STK39: variants seen among roughly 807,000 people sequenced by gnomAD.
STK39 encodes the protein serine/threonine kinase 39.
STK39 carries 20 observed loss-of-function variants against 77.8 expected under a neutral mutation model. The observed-to-expected ratio is 0.26, with a 90% CI of 0.18 to 0.37. The LOEUF (loss-of-function observed/expected upper bound fraction) is 0.37. Ranked by LOEUF, STK39 falls within the 10% of genes least tolerant of loss-of-function variation. STK39 has a pLI of 1.00. For missense variants in STK39, 479 were observed against 656.5 expected (o/e 0.73, Z 2.95); for synonymous variants, 246 against 234.1 (o/e 1.05, Z -0.47).
intron 10 of STK39, among the ~76,000 whole-genome samples, chr2:168,094,190 C>T (rs11689980): frequency 0.31 from 46,924 of 152,104 alleles, 7,484 homozygotes; most frequent in Non-Finnish European, 0.33. Flanking sequence ...GACCACTACC[C>T]TCCCAGTCAT....
At chr2:168,183,665 A>C (rs974887997) in intron 1 of STK39, among the ~76,000 whole-genome samples, 2 of 152,146 alleles carry the variant, frequency 1.3e-5, no homozygotes, top group Non-Finnish European at 2.9e-5. Context: ...CATTTGCTAG[A>C]GCTGTTTGGG....
At chr2:168,136,346 T>G (rs182039870) in intron 8 of STK39, among the ~76,000 whole-genome samples, 51 of 141,178 alleles carry the variant, frequency 3.6e-4, no homozygotes, top group Admixed American at 1.4e-3. Context: ...TCTAGCCCAG[T>G]GACAGAGCAA....
chr2:168,020,585 C>T (rs968869477), intron 14 of STK39, among the ~76,000 whole-genome samples: 1 of 151,248 alleles, frequency 6.6e-6, no homozygotes, highest in African/African-American at 2.4e-5. Flanking sequence ...TATACACATA[C>T]ATACATATGC....
rs1178169723 is a variant in STK39, at chr2:167,955,399, G to A, written c.*97C>T. On this transcript the variant is annotated 3_prime_UTR_variant, in exon 18 of 18. Transcript: ENST00000355999. ...TCTGATTTTGCTAGGAAATGGGAGT[G>A]AGGGGGTGGGAGGAAATGGGCAGAA... is the stretch of plus-strand genomic sequence containing the variant. 3.4e-6 allele frequency: 4 copies of A among 1,172,400 alleles called. No homozygotes were observed. The highest frequency in any genetic ancestry group is 4.9e-6 in the Non-Finnish European group (4 of 815,550). 72.6% of individuals were successfully genotyped at this position (1,172,400 alleles called of 1,614,324 possible).
At chr2:168,112,367 G>T (rs951287258) in intron 10 of STK39, among the ~76,000 whole-genome samples, 17 of 152,078 alleles carry the variant, frequency 1.1e-4, no homozygotes, top group African/African-American at 4.1e-4. Context: ...TCAGCGGAGG[G>T]GGCTGGTTGG....
intron 14 of STK39, among the ~76,000 whole-genome samples, chr2:168,032,219 A>G (rs1021349488): frequency 6.6e-6 from 1 of 152,228 alleles, no homozygotes; most frequent in African/African-American, 2.4e-5. Context: ...CAAACGCTCA[A>G]AACATTTTCC....
chr2:168,187,333 A>AC (rs1455564783), intron 1 of STK39, among the ~76,000 whole-genome samples: 3 of 145,968 alleles, frequency 2.1e-5, no homozygotes, highest in East Asian at 4.1e-4. Flanking sequence ...CCTGGGTGAC[A>AC]GAGTGAGACT....
rs552524192 is a variant in STK39 at position 168,014,304 on chromosome 2, G to C, written c.1430-1602C>G. On this transcript the variant is annotated intron_variant, in intron 15 of 17. Coordinates refer to ENST00000355999, the MANE Select transcript of STK39 (RefSeq NM_013233.3). ...GTTACAGACCAGTCTGGGCAACATA[G>C]GGAGACGCCATCTCTACAAAGCGTA... Among the ~76,000 whole-genome samples the C allele has an allele frequency of 7.9e-5, 12 of 152,114 alleles. No homozygotes were observed. The South Asian group carries it at 2.5e-3, about 32-fold the overall frequency.
At chr2:168,026,377 A>G (rs574667864) in intron 14 of STK39, among the ~76,000 whole-genome samples, 5 of 152,342 alleles carry the variant, frequency 3.3e-5, no homozygotes, top group Non-Finnish European at 7.3e-5. Flanking sequence ...TTTACAACTG[A>G]AAGAGGCCTT....
chr2:167,975,642 C>T (rs1423369898), intron 16 of STK39, among the ~76,000 whole-genome samples: 3 of 152,066 alleles, frequency 2.0e-5, no homozygotes, highest in African/African-American at 7.2e-5. Flanking sequence ...GGTGAAACCC[C>T]GTCTCTACTA....
intron 14 of STK39, among the ~76,000 whole-genome samples, chr2:168,027,659 T>G (rs1415130289): frequency 1.3e-5 from 2 of 152,210 alleles, no homozygotes; most frequent in Non-Finnish European, 2.9e-5. Context: ...CGCACAAGGT[T>G]TTCTTCAAAT....
intron 1 of STK39, among the ~76,000 whole-genome samples, chr2:168,186,557 T>C (rs959294531): frequency 1.3e-5 from 2 of 152,184 alleles, no homozygotes. Flanking sequence ...AAAAGAAGGT[T>C]AGACAGGGAT....
intron 10 of STK39, among the ~76,000 whole-genome samples, chr2:168,109,727 GTA>G (rs1687072283): frequency 6.6e-6 from 1 of 152,150 alleles, no homozygotes; most frequent in Admixed American, 6.5e-5. Flanking sequence ...CCAAAATATG[GTA>G]TTACCAGGCC....
At chr2:168,153,328 G>A (rs1265545526) in intron 5 of STK39, among the ~76,000 whole-genome samples, 1 of 152,186 alleles carries the variant, frequency 6.6e-6, no homozygotes, top group Non-Finnish European at 1.5e-5. Flanking sequence ...TTAAGTTGGG[G>A]CAGGAGTAAG....
At chr2:168,102,825 G>A (rs1223109494) in intron 10 of STK39, among the ~76,000 whole-genome samples, 1 of 151,316 alleles carries the variant, frequency 6.6e-6, no homozygotes, top group Admixed American at 6.6e-5. Context: ...AGCTACTCGG[G>A]AGGCTGAGGC....
At chr2:168,065,260 T>C (rs1011821111) in intron 13 of STK39, 59 bp downstream of exon 13, 4 of 1,585,596 alleles carry the variant, frequency 2.5e-6, no homozygotes, top group Admixed American at 1.7e-5. Flanking sequence ...AAAATGTTGG[T>C]TTTTTAAAGG....
rs575550070 is a variant in STK39, at chr2:168,205,294, T to A, written c.209-23204A>T. On this transcript the variant is annotated intron_variant, in intron 1 of 17. Coordinates refer to ENST00000355999, the MANE Select transcript of STK39 (RefSeq NM_013233.3). ...CATTATGTACAACTTAATTGCAAAT[T>A]TGTGAGTATACAGGAAACACCAAAA... is the stretch of plus-strand genomic sequence containing the variant. Among the ~76,000 whole-genome samples the A allele has an allele frequency of 1.7e-3, 263 of 152,322 alleles. 1 individual carries two copies. The highest frequency in any genetic ancestry group is 5.7e-3 in the African/African-American group (237 of 41,580).
At chr2:168,167,778 C>T (rs548167090) in intron 2 of STK39, among the ~76,000 whole-genome samples, 126 of 152,284 alleles carry the variant, frequency 8.3e-4, no homozygotes, top group Non-Finnish European at 1.2e-3. Flanking sequence ...GGGTGAGTTA[C>T]TAGGACACCT....
chr2:168,042,136 C>T lies in STK39; in HGVS notation c.1376+21364G>A, dbSNP rs937855250. Among the ~76,000 whole-genome samples, 7 of 152,326 alleles carry T rather than the reference C, an allele frequency of 4.6e-5. 1 individual carries two copies. In the East Asian group the frequency reaches 1.2e-3, roughly 25 times the overall value. ...GATTGTAATTATATCACTCTGGGTTCCCTGCCCAATTCTCTTTCCACTCTC... is the reference window on the plus strand; with the variant it reads ...GATTGTAATTATATCACTCTGGGTTTCCTGCCCAATTCTCTTTCCACTCTC... On this transcript the variant is annotated intron_variant, in intron 14 of 17. Transcript: ENST00000355999.
Sources: gnomAD v4.1 joint callset for allele counts (sites outside exome capture counted in the v4.1 genomes callset) on GRCh38, gnomAD v4.1.1 for gene constraint, MANE v1.5 for transcripts, NCBI Gene and HGNC (gene_info 2026-07-23, HGNC 2026-07-21) for gene names.